PTDSS2: variants seen among roughly 807,000 people sequenced by gnomAD.
PTDSS2 encodes phosphatidylserine synthase 2, also known as PSS-2.
PTDSS2 carries 41 observed loss-of-function variants against 64.7 expected under a neutral mutation model. The observed-to-expected ratio is 0.63, with a 90% CI of 0.49 to 0.82. The LOEUF is 0.82. Ranked by LOEUF, PTDSS2 falls within the 40% of genes least tolerant of loss-of-function variation. The probability of loss-of-function intolerance (pLI) is 0.00; values close to 1 mark genes in which losing one functional copy is unlikely to be tolerated. For synonymous variants in PTDSS2, 297 were observed against 277.8 expected (o/e 1.07, Z -0.69); for missense variants, 485 against 650.0 (o/e 0.75, Z 2.76).
In PTDSS2 at chr11:462,769, A is replaced by ACACACAGGGTGTCCC. The variant is rs1412827698; in HGVS notation, c.284+2496_284+2510dup. Among the ~76,000 whole-genome samples the ACACACAGGGTGTCCC allele has an allele frequency of 6.6e-6, 1 of 152,072 alleles. No homozygotes were observed. The highest frequency in any genetic ancestry group is 6.6e-5 in the Admixed American group (1 of 15,226). Reference sequence around the variant, plus strand: ...GAGGGTGTCCGCACACAGGGTGCCCACACACAGGGTGTCCCCACACAGGGT... The same window carrying ACACACAGGGTGTCCC: ...GAGGGTGTCCGCACACAGGGTGCCCACACACAGGGTGTCCCCACACAGGGTGTCCCCACACAGGGT... On this transcript the variant is annotated intron_variant, in intron 2 of 11. Coordinates refer to ENST00000308020, the MANE Select transcript of PTDSS2 (RefSeq NM_030783.3). This position sits in a 1 kb window ranked among gnomAD's most constrained non-coding sequence, Gnocchi z 4.5.
rs376801549 is a variant in PTDSS2, at chr11:489,753, G to T, written c.1115+20G>T. On this transcript the variant is annotated intron_variant, in intron 10 of 11. Coordinates refer to ENST00000308020, the MANE Select transcript of PTDSS2 (RefSeq NM_030783.3). ...TGACCCGTGAGGGCTGCGGCAGTCC[G>T]GGTGGAGACACCCCCGGGGGGCAGG... 3 of 1,603,442 alleles carry T rather than the reference G, an allele frequency of 1.9e-6. No individual in the cohort carries two copies. The South Asian group carries it at 3.3e-5, about 18-fold the overall frequency.
chr11:488,165 C>T (rs1372854947), intron 6 of PTDSS2, 34 bp from the exon 7 acceptor site: 50 of 1,505,058 alleles, frequency 3.3e-5, no homozygotes, highest in Non-Finnish European at 4.4e-5. Flanking sequence ...GTGTGGCCGG[C>T]GTCCCATACT....
chr11:489,782 CG>C (rs1486363781), intron 10 of PTDSS2, 49 bp downstream of exon 10: 5 of 1,582,242 alleles, frequency 3.2e-6, no homozygotes, highest in Non-Finnish European at 4.3e-6. Flanking sequence ...GGGCAGGGGC[CG>C]GAGGGCTGGG....
rs1848424722 is a variant in PTDSS2 at position 487,001 on chromosome 11, A to G, written c.498A>G (p.Pro166=). 7 of 1,613,498 alleles carry G rather than the reference A, an allele frequency of 4.3e-6. No individual in the cohort carries two copies. Among genetic ancestry groups the G allele is most frequent in the Non-Finnish European group, 5.1e-6 (6 of 1,179,914 alleles). ...ACCCCAAGCTGGGAGTCCCACTGCC[A>G]GAGAGAGACTACGGGGGAAACTGCC... is the stretch of plus-strand genomic sequence containing the variant. ...YVDPKLGVPL[P]ERDYGGNCLI... is the part of the protein sequence containing the mutation. The change falls in exon 5 of 12, where the codon CCA becomes CCG. Residue 166 remains proline (P), a synonymous_variant. Coordinates refer to ENST00000308020, the MANE Select transcript of PTDSS2 (RefSeq NM_030783.3).
chr11:474,115 C>G, intron 3 of PTDSS2, 138 bp downstream of exon 3: 1 of 758,610 alleles, frequency 1.3e-6, no homozygotes, highest in East Asian at 2.5e-5. Context: ...AGGCCACTTC[C>G]CACATGGACA....
At chr11:478,047 G>A (rs1223372589) in intron 3 of PTDSS2, among the ~76,000 whole-genome samples, 3 of 152,214 alleles carry the variant, frequency 2.0e-5, no homozygotes, top group Admixed American at 2.0e-4. Flanking sequence ...CCTCACGTCT[G>A]CACGTCTTGC....
chr11:467,989 A>G lies in PTDSS2; in HGVS notation c.285-5906A>G, dbSNP rs570580101. ...CCATCTCTACCAAACTAAAAAACTT[A>G]GCCGAGTGTCACAGCACACACACAT... On this transcript the variant is annotated intron_variant, in intron 2 of 11. Coordinates refer to ENST00000308020, the MANE Select transcript of PTDSS2 (RefSeq NM_030783.3). Among the ~76,000 whole-genome samples the G allele has an allele frequency of 1.1e-4, 16 of 152,172 alleles. No homozygotes were observed. The South Asian group carries it at 3.3e-3, about 32-fold the overall frequency.
chr11:455,409 C>T (rs956171295), intron 1 of PTDSS2, among the ~76,000 whole-genome samples: 15 of 152,202 alleles, frequency 9.9e-5, no homozygotes, highest in Admixed American at 9.8e-4. Context: ...CCGGCATCTG[C>T]ACTCCAGCCA....
chr11:450,660 G>GGGC (rs1378079656), intron 1 of PTDSS2, 23 bp downstream of exon 1: 48 of 1,242,602 alleles, frequency 3.9e-5, no homozygotes, highest in Non-Finnish European at 4.8e-5. Context: ...GGCGGCCGCG[G>GGGC]GGCGGCGAGG....
chr11:486,070 G>A (rs1564993309), intron 4 of PTDSS2, among the ~76,000 whole-genome samples: 1 of 151,118 alleles, frequency 6.6e-6, no homozygotes, highest in Non-Finnish European at 1.5e-5. Flanking sequence ...TGTGTTCACC[G>A]TGTGCGCAGG....
intron 2 of PTDSS2, chr11:463,900 C>T (rs1847020820): frequency 1.3e-5 from 2 of 152,028 alleles, no homozygotes; most frequent in East Asian, 1.9e-4. Context: ...AGTTATAAAA[C>T]TAGTGTGTCT....
Position 479,409 on chromosome 11 carries a change from C to T in PTDSS2, c.435+257C>T, listed in dbSNP as rs1175280810. The T allele has an allele frequency of 1.6e-5, 9 of 570,536 alleles. No individual in the cohort carries two copies. The highest frequency in any genetic ancestry group is 5.9e-5 in the East Asian group (2 of 33,622). The allele number at this position is 570,536 out of a possible 1,614,324, so 35.3% of individuals were successfully genotyped here. A position where few individuals can be genotyped will look rare whatever the true frequency, so the allele number is the denominator to read the frequency against. On this transcript the variant is annotated intron_variant, in intron 4 of 11. Transcript: ENST00000308020. The surrounding 1 kb of genome is among the most constrained non-coding windows in gnomAD (Gnocchi z 4.2). ...CCTCCAGGAGCATCTGCTGGTGGGG[C>T]GCTGACTGTGGCCATTTAGCAGGGC... is the stretch of plus-strand genomic sequence containing the variant.
chr11:449,820 G>A (rs1201390574), upstream of PTDSS2, among the ~76,000 whole-genome samples: 3 of 152,166 alleles, frequency 2.0e-5, no homozygotes, highest in African/African-American at 7.2e-5. Flanking sequence ...GATGGCGGCC[G>A]CCTGTAATCC....
intron 1 of PTDSS2, among the ~76,000 whole-genome samples, chr11:455,047 G>T (rs558822135): frequency 6.6e-6 from 1 of 151,594 alleles, no homozygotes; most frequent in Non-Finnish European, 1.5e-5. Context: ...TGTGTGGAGT[G>T]GTGGCATTCT....
At chr11:485,792 G>T in intron 4 of PTDSS2, among the ~76,000 whole-genome samples, 1 of 118,946 alleles carries the variant, frequency 8.4e-6, no homozygotes, top group African/African-American at 3.4e-5. Flanking sequence ...CACCGTGCGC[G>T]CAGGCGAGCG....
chr11:461,155 C>T lies in PTDSS2; in HGVS notation c.284+867C>T, dbSNP rs1846863990. 1 of 152,238 alleles carries T rather than the reference C, an allele frequency of 6.6e-6. No individual in the cohort carries two copies. Among genetic ancestry groups the T allele is most frequent in the African/African-American group, 2.4e-5 (1 of 41,438 alleles). 9.4% of individuals were successfully genotyped at this position (152,238 alleles called of 1,614,324 possible). A position where few individuals can be genotyped will look rare whatever the true frequency, so the allele number is the denominator to read the frequency against. ...GGCGGGAGCCCTGGGGTTTGTAGGA[C>T]TTAGCTGTCCCTACAGCTCTTGGGC... On this transcript the variant is annotated intron_variant, in intron 2 of 11. Coordinates refer to ENST00000308020, the MANE Select transcript of PTDSS2 (RefSeq NM_030783.3). The surrounding 1 kb of genome is among the most constrained non-coding windows in gnomAD (Gnocchi z 4.2).
intron 1 of PTDSS2, among the ~76,000 whole-genome samples, chr11:454,505 C>T (rs558054706): frequency 4.6e-5 from 7 of 152,168 alleles, no homozygotes; most frequent in Non-Finnish European, 8.8e-5. Flanking sequence ...ACAGGAAGGT[C>T]TCTGTCGTGG....
chr11:477,486 T>C (rs1308086580), intron 3 of PTDSS2, among the ~76,000 whole-genome samples: 1 of 152,084 alleles, frequency 6.6e-6, no homozygotes, highest in African/African-American at 2.4e-5. Context: ...AAGGGCCTGC[T>C]GGGTATTCCG....
At chr11:478,689 G>A (rs1211560356) in intron 3 of PTDSS2, among the ~76,000 whole-genome samples, 1 of 151,254 alleles carries the variant, frequency 6.6e-6, no homozygotes, top group Non-Finnish European at 1.5e-5. Context: ...GTTGCAGTGA[G>A]CTGAGATTGC....
Sources: allele counts gnomAD v4.1 joint callset (sites outside exome capture counted in the v4.1 genomes callset), GRCh38; gene constraint gnomAD v4.1.1; non-coding constraint Gnocchi (gnomAD v3.1); transcripts MANE v1.5; gene names NCBI Gene and HGNC (gene_info 2026-07-23, HGNC 2026-07-21).